The following AP2A1 variants were observed in gnomAD, a reference collection of about 807,000 sequenced individuals.
AP2A1 encodes adaptor related protein complex 2 subunit alpha 1.
AP2A1 carries 21 observed loss-of-function variants against 107.3 expected under a neutral mutation model. The observed-to-expected ratio is 0.20, with a 90% CI of 0.14 to 0.28. The LOEUF (loss-of-function observed/expected upper bound fraction) is 0.28. AP2A1 is among the 10% of genes least tolerant of loss of function. AP2A1 has a pLI of 1.00. For missense variants in AP2A1, 873 were observed against 1,307.7 expected (o/e 0.67, Z 5.13); for synonymous variants, 602 against 564.8 (o/e 1.07, Z -0.93).
Position 49,792,981 on chromosome 19 carries a change from GC to G in AP2A1, c.604-6del, listed in dbSNP as rs1459841889. On this transcript the variant is annotated splice_polypyrimidine_tract_variant and intron_variant, in intron 5 of 22. Coordinates refer to ENST00000354293, the MANE Select transcript of AP2A1 (RefSeq NM_130787.3). ...CAGGGGCCTGACTTGTCTCTCCTCTGCCCCTGCAGGGTGTGGTCACGGCCGC... is the reference window on the plus strand; with the variant it reads ...CAGGGGCCTGACTTGTCTCTCCTCTGCCCTGCAGGGTGTGGTCACGGCCGC... 6.3e-7 allele frequency: 1 copy of G among 1,589,476 alleles called. No homozygotes were observed. The highest frequency in any genetic ancestry group is 1.1e-5 in the South Asian group (1 of 87,242).
Position 49,788,577 on chromosome 19 carries a change from C to T in AP2A1, c.474-3358C>T, listed in dbSNP as rs2073102761. Among the ~76,000 whole-genome samples, 1 of 151,046 alleles carries T rather than the reference C, an allele frequency of 6.6e-6. No homozygotes were observed. The highest frequency in any genetic ancestry group is 1.5e-5 in the Non-Finnish European group (1 of 67,838). On this transcript the variant is annotated intron_variant, in intron 4 of 22. Coordinates refer to ENST00000354293, the MANE Select transcript of AP2A1 (RefSeq NM_130787.3). This position sits in a 1 kb window ranked among gnomAD's most constrained non-coding sequence, Gnocchi z 4.5. ...AGGGCTCGGGAGATGCGCTGTGGCT[C>T]AGGAGATGTGCGCCGTGGCAGCGAT... is the stretch of plus-strand genomic sequence containing the variant.
At position 49,767,009 on chromosome 19, in the gene AP2A1, G is replaced by T; in HGVS notation, c.-125G>T. On this transcript the variant is annotated 5_prime_UTR_variant, in exon 1 of 23. Transcript: ENST00000354293. The stretch of plus-strand genomic sequence containing the variant: ...AGCCCGCCCGCCCGCCCGCCAGCCA[G>T]CCCTCCCCGCGGCCGGCTCGGCTCC... 1 of 738,608 alleles carries T rather than the reference G, an allele frequency of 1.4e-6. No homozygotes were observed. The highest frequency in any genetic ancestry group is 1.8e-6 in the Non-Finnish European group (1 of 546,858). 45.8% of individuals were successfully genotyped at this position (738,608 alleles called of 1,614,324 possible). A position where few individuals can be genotyped will look rare whatever the true frequency, so the allele number is the denominator to read the frequency against.
intron 11 of AP2A1, chr19:49,800,608 A>G (rs948496591): frequency 1.9e-5 from 5 of 269,850 alleles, no homozygotes; most frequent in Non-Finnish European, 3.6e-5. Context: ...AGCTGGTACT[A>G]CAGGCACGCG....
chr19:49,784,583 A>G (rs2084715831), intron 4 of AP2A1, among the ~76,000 whole-genome samples: 1 of 152,236 alleles, frequency 6.6e-6, no homozygotes, highest in South Asian at 2.1e-4. Flanking sequence ...TAATTGAAAT[A>G]GTCAAAAATT....
chr19:49,802,864 G>A (rs2123758235), intron 15 of AP2A1, 85 bp from the exon 16 acceptor site: 1 of 1,462,012 alleles, frequency 6.8e-7, no homozygotes, highest in Non-Finnish European at 9.4e-7. Context: ...TCTGTCCTTA[G>A]GGCTTGTTCT....
chr19:49,769,704 G>T (rs1341612429), intron 1 of AP2A1, among the ~76,000 whole-genome samples: 1 of 152,170 alleles, frequency 6.6e-6, no homozygotes, highest in African/African-American at 2.4e-5. Context: ...TTGAGCAGGG[G>T]AGGGATGTGA....
chr19:49,767,012 C>G lies in AP2A1; in HGVS notation c.-122C>G, dbSNP rs904956558. ...CCGCCCGCCCGCCCGCCAGCCAGCC[C>G]TCCCCGCGGCCGGCTCGGCTCCTTG... On this transcript the variant is annotated 5_prime_UTR_variant, in exon 1 of 23. Coordinates refer to ENST00000354293, the MANE Select transcript of AP2A1 (RefSeq NM_130787.3). The G allele has an allele frequency of 2.9e-6, 3 of 1,048,578 alleles. No individual in the cohort carries two copies. Among genetic ancestry groups the G allele is most frequent in the African/African-American group, 3.4e-5 (2 of 59,052 alleles). The allele number at this position is 1,048,578 out of a possible 1,614,324, so 65.0% of individuals were successfully genotyped here. A position where few individuals can be genotyped will look rare whatever the true frequency, so the allele number is the denominator to read the frequency against.
chr19:49,796,181 C>A, intron 7 of AP2A1: 1 of 179,866 alleles, frequency 5.6e-6, no homozygotes, highest in Non-Finnish European at 1.2e-5. Context: ...CTCACAGTCA[C>A]AATAGCCAGT....
chr19:49,804,148 A>T (rs1237974670), intron 18 of AP2A1: 1 of 151,626 alleles, frequency 6.6e-6, no homozygotes, highest in Non-Finnish European at 1.5e-5. Flanking sequence ...AGACAGGAGA[A>T]TCGCTTGAGC....
In AP2A1 at chr19:49,802,977, A is replaced by G; in HGVS notation, c.2143A>G (p.Ile715Val). 6.2e-7 allele frequency: 1 copy of G among 1,613,464 alleles called. No homozygotes were observed. Among genetic ancestry groups the G allele is most frequent in the South Asian group, 1.1e-5 (1 of 90,976 alleles). The change falls in exon 16 of 23, where the codon ATT becomes GTT. Residue 715 changes from isoleucine (I) to valine (V), a missense_variant. Physicochemically the swap from Ile to Val is conservative, Grantham distance 29. Around this residue, in one of 4 missense-constraint regions of AP2A1, gnomAD observed 416 missense variants for 473.4 expected, o/e 0.88. Coordinates refer to ENST00000354293, the MANE Select transcript of AP2A1 (RefSeq NM_130787.3). ...SPGPEDIGPPIPEADELLNKF... is the reference protein window; with the variant it reads ...SPGPEDIGPPVPEADELLNKF... ...AGGTCCTGAGGACATCGGCCCTCCC[A>G]TTCCGGAAGCCGATGAGTTGCTGAA...
rs1018291331 is a variant in AP2A1, at chr19:49,798,740, C to T, written c.815-62C>T. 4 of 1,556,124 alleles carry T rather than the reference C, an allele frequency of 2.6e-6. No individual in the cohort carries two copies. The African/African-American group carries it at 4.1e-5, about 16-fold the overall frequency. On this transcript the variant is annotated intron_variant, in intron 7 of 22. Coordinates refer to ENST00000354293, the MANE Select transcript of AP2A1 (RefSeq NM_130787.3). ...GACAGGAGCTGGGGCATGGCCACCA[C>T]CCCAGCAGGTGTGCCAGGTGGGCAG...
At chr19:49,770,197 A>G (rs1463263465) in intron 1 of AP2A1, among the ~76,000 whole-genome samples, 1 of 152,146 alleles carries the variant, frequency 6.6e-6, no homozygotes, top group Non-Finnish European at 1.5e-5. Flanking sequence ...AAAAACTGTC[A>G]GGATTTGCAA....
At position 49,788,080 on chromosome 19, in the gene AP2A1, G is replaced by A. The variant is rs1008873770; in HGVS notation, c.474-3855G>A. On this transcript the variant is annotated intron_variant, in intron 4 of 22. Transcript: ENST00000354293. The surrounding 1 kb of genome is among the most constrained non-coding windows in gnomAD (Gnocchi z 4.5). Reference sequence around the variant, plus strand: ...TCCCACGTCAGCCACTCCAGCAGCCGGGACTACAGGCACAAGCCACCAGGC... The same window carrying A: ...TCCCACGTCAGCCACTCCAGCAGCCAGGACTACAGGCACAAGCCACCAGGC... Among the ~76,000 whole-genome samples the A allele has an allele frequency of 6.6e-5, 10 of 152,126 alleles. No individual in the cohort carries two copies. Among genetic ancestry groups the A allele is most frequent in the Non-Finnish European group, 1.2e-4 (8 of 68,020 alleles).
chr19:49,799,573 A>G, intron 9 of AP2A1, 56 bp from the exon 10 acceptor site: 1 of 1,600,018 alleles, frequency 6.2e-7, no homozygotes, highest in African/African-American at 1.3e-5. Flanking sequence ...TTGGGTGGCC[A>G]ACCCTGTGCC....
At position 49,805,678 on chromosome 19, in the gene AP2A1, A is replaced by G; in HGVS notation, c.2486A>G (p.Gln829Arg). 1 of 1,562,880 alleles carries G rather than the reference A, an allele frequency of 6.4e-7. No homozygotes were observed. Among genetic ancestry groups the G allele is most frequent in the Non-Finnish European group, 8.7e-7 (1 of 1,154,794 alleles). The part of the protein sequence containing the change: ...SVRFRYGGAP[Q>R]ALTLKLPVTI... ...CTCATCAGGTACGGTGGCGCCCCCC[A>G]GGCCCTCACCCTGAAGCTCCCAGTG... Residue 829 changes from glutamine to arginine, a missense_variant, in exon 20 of 23, where the codon CAG becomes CGG. Physicochemically the swap from Gln to Arg is conservative, Grantham distance 43. Transcript: ENST00000354293.
chr19:49,803,514 G>A, intron 18 of AP2A1, 138 bp downstream of exon 18: 1 of 712,802 alleles, frequency 1.4e-6, no homozygotes, highest in South Asian at 1.6e-5. Context: ...TTGAGTGTCT[G>A]CATCTGTTAA....
intron 1 of AP2A1, among the ~76,000 whole-genome samples, chr19:49,773,491 G>T (rs1354342428): frequency 6.6e-6 from 1 of 152,192 alleles, no homozygotes; most frequent in Non-Finnish European, 1.5e-5. Context: ...ATGATTGCCA[G>T]TTGAATGAAT....
Position 49,767,175 on chromosome 19 carries a change from G to T in AP2A1, c.42G>T (p.Ala14=), listed in dbSNP as rs2084511043. ...AGGGCGATGGGATGCGGGGGCTCGC[G>T]GTGTTCATCTCCGACATCCGGAACT... The part of the protein sequence containing the change: ...VSKGDGMRGL[A]VFISDIRNCK... Residue 14 remains alanine, a synonymous_variant, in exon 1 of 23, where the codon GCG becomes GCT. Transcript: ENST00000354293. 6.2e-7 allele frequency: 1 copy of T among 1,612,040 alleles called. No individual in the cohort carries two copies. The highest frequency in any genetic ancestry group is 8.5e-7 in the Non-Finnish European group (1 of 1,179,762).
chr19:49,781,265 G>A (rs1422377245), intron 1 of AP2A1, among the ~76,000 whole-genome samples: 1 of 152,122 alleles, frequency 6.6e-6, no homozygotes, highest in African/African-American at 2.4e-5. Context: ...GGGACAAAGG[G>A]GGTGAGGACA....
Sources: gnomAD v4.1 joint callset for allele counts (sites outside exome capture counted in the v4.1 genomes callset) on GRCh38, gnomAD v4.1.1 for gene constraint, gnomAD v4.1.1 regional missense constraint, Gnocchi (gnomAD v3.1) non-coding constraint, MANE v1.5 for transcripts, NCBI Gene and HGNC (gene_info 2026-07-23, HGNC 2026-07-21) for gene names.